Variants in PROM1 observed in about 807,000 individuals in gnomAD.
PROM1 encodes the protein prominin 1.
A neutral mutation model predicts 116.9 loss-of-function variants in PROM1; 105 were observed. The ratio of observed to expected loss-of-function variants is 0.90; its 90% CI spans 0.77 to 1.06. The LOEUF (loss-of-function observed/expected upper bound fraction) is 1.06. PROM1 is among the 50% of genes least tolerant of loss of function. The pLI, the probability that PROM1 is intolerant of heterozygous loss-of-function variation, is 0.00. For missense variants in PROM1, 1,122 were observed against 1,045.2 expected (o/e 1.07, Z -1.01); for synonymous variants, 393 against 387.0 (o/e 1.02, Z -0.18).
intron 2 of PROM1, among the ~76,000 whole-genome samples, chr4:16,047,825 C>T (rs1736892031): frequency 1.3e-5 from 2 of 151,942 alleles, no homozygotes; most frequent in Non-Finnish European, 2.9e-5. Context: ...CAACCTGAGC[C>T]CCCTACCAAG....
intron 26 of PROM1, among the ~76,000 whole-genome samples, chr4:15,974,868 GT>G (rs1376697311): frequency 1.3e-5 from 2 of 152,310 alleles, no homozygotes; most frequent in East Asian, 3.9e-4. Context: ...CCTGAAAACT[GT>G]TGGCGATAAA....
rs1273998914 is a variant in PROM1, at chr4:15,998,412, A to G, written c.1655T>C (p.Met552Thr). The stretch of plus-strand genomic sequence containing the variant: ...GTAAACTTGTTCAAAAGTGAGCTTC[A>G]TTTTTGATTTATTAAATAGCTTCCC... ...LSGKLFNKSK[M>T]KLTFEQVYSD... is the part of the protein sequence containing the mutation. Residue 552 changes from methionine (M) to threonine (T), a missense_variant, in exon 15 of 28, where the codon ATG (methionine) becomes ACG (threonine). Transcript: ENST00000447510. 6.2e-7 allele frequency: 1 copy of G among 1,605,132 alleles called. No homozygotes were observed. Among genetic ancestry groups the G allele is most frequent in the Admixed American group, 1.7e-5 (1 of 57,896 alleles).
rs140129285 is a variant in PROM1 at position 15,977,439 on chromosome 4, G to A, written c.2582+1956C>T. Among the ~76,000 whole-genome samples the A allele has an allele frequency of 2.6e-5, 4 of 152,264 alleles. No individual in the cohort carries two copies. The East Asian group carries it at 5.8e-4, about 22-fold the overall frequency. On this transcript the variant is annotated intron_variant, in intron 26 of 27. Coordinates refer to ENST00000447510, the MANE Select transcript of PROM1 (RefSeq NM_006017.3). ...TGCTACACCGCAAAAAGGAAGGCCA[G>A]GACATTATGCAGGCAGCCGTACTGT...
chr4:15,982,215 C>T (rs1402270777), intron 23 of PROM1, among the ~76,000 whole-genome samples: 1 of 152,178 alleles, frequency 6.6e-6, no homozygotes, highest in Non-Finnish European at 1.5e-5. Flanking sequence ...TCTCCCCAGC[C>T]CACCATGAGG....
At chr4:16,033,125 A>G (rs916917189) in intron 5 of PROM1, among the ~76,000 whole-genome samples, 179 bp downstream of exon 5, 6 of 152,192 alleles carry the variant, frequency 3.9e-5, no homozygotes, top group African/African-American at 1.4e-4. Context: ...GTCTGATGAT[A>G]ATGAGATCCT....
rs185592048 is a variant in PROM1, at chr4:16,048,516, G to A, written c.221-9515C>T. 7.2e-5 allele frequency among the ~76,000 whole-genome samples: 11 copies of A among 152,248 alleles called. No homozygotes were observed. The East Asian group carries it at 1.9e-3, about 27-fold the overall frequency. The stretch of plus-strand genomic sequence containing the variant: ...CCAAGCCATATTTATCAGACGTGTC[G>A]AATGTATCCCCGGTGCCTCCACAAA... On this transcript the variant is annotated intron_variant, in intron 2 of 27. Coordinates refer to ENST00000447510, the MANE Select transcript of PROM1 (RefSeq NM_006017.3).
rs150322691 is a variant in PROM1, at chr4:16,018,536, G to T, written c.789C>A (p.Ile263=). The T allele has an allele frequency of 1.2e-6, 2 of 1,604,676 alleles. No individual in the cohort carries two copies. The change falls in exon 9 of 28, where the codon ATC becomes ATA. Residue 263 remains isoleucine, a synonymous_variant. Coordinates refer to ENST00000447510, the MANE Select transcript of PROM1 (RefSeq NM_006017.3). ...LDEIKSMATA[I]KETKEALENM... ...TCTCCAACGCCTCTTTGGTCTCCTT[G>T]ATCGCTATGGAAACACAGCCCGCTT...
At chr4:16,042,714 G>C (rs1157833377) in intron 2 of PROM1, among the ~76,000 whole-genome samples, 2 of 152,118 alleles carry the variant, frequency 1.3e-5, no homozygotes, top group Non-Finnish European at 2.9e-5. Context: ...TTAAAAACTA[G>C]CACTTGCACA....
chr4:16,069,187 A>G (rs1742249458), intron 2 of PROM1, among the ~76,000 whole-genome samples: 1 of 152,234 alleles, frequency 6.6e-6, no homozygotes, highest in Non-Finnish European at 1.5e-5. Context: ...GTGAGCCGAG[A>G]TCGTGCCACT....
chr4:16,067,866 G>A (rs550503448), intron 2 of PROM1, among the ~76,000 whole-genome samples: 3 of 152,274 alleles, frequency 2.0e-5, no homozygotes, highest in East Asian at 3.9e-4. Context: ...CCCCGGCCAC[G>A]TGACTCAATG....
At chr4:16,033,207 TTTTG>T in intron 5 of PROM1, 93 bp downstream of exon 5, 1 of 1,073,162 alleles carries the variant, frequency 9.3e-7, no homozygotes, top group Non-Finnish European at 1.3e-6. Flanking sequence ...ATTGTTGCTA[TTTTG>T]TTTAGTTTTA....
In PROM1 at chr4:15,985,636, T is replaced by C. The variant is rs1219603312; in HGVS notation, c.2280+124A>G. 5 of 776,888 alleles carry C rather than the reference T, an allele frequency of 6.4e-6. No individual in the cohort carries two copies. The East Asian group carries it at 1.3e-4, about 21-fold the overall frequency. 48.1% of individuals were successfully genotyped at this position (776,888 alleles called of 1,614,324 possible). A position where few individuals can be genotyped will look rare whatever the true frequency, so the allele number is the denominator to read the frequency against. On this transcript the variant is annotated intron_variant, in intron 22 of 27. Coordinates refer to ENST00000447510, the MANE Select transcript of PROM1 (RefSeq NM_006017.3). Reference sequence around the variant, plus strand: ...GAAGTCTTGGTCCTGCACATCAATGTCCTTTCACTTACTTCCTACCAAATT... The same window carrying C: ...GAAGTCTTGGTCCTGCACATCAATGCCCTTTCACTTACTTCCTACCAAATT...
intron 24 of PROM1, 98 bp from the exon 25 acceptor site, chr4:15,980,002 G>A (rs1275589509): frequency 5.1e-5 from 38 of 751,342 alleles, no homozygotes; most frequent in Non-Finnish European, 7.8e-5. Context: ...CACGGATACT[G>A]ACAGTGCAAA....
At chr4:15,988,343 G>A (rs1199550024) in intron 19 of PROM1, among the ~76,000 whole-genome samples, 1 of 152,174 alleles carries the variant, frequency 6.6e-6, no homozygotes, top group African/African-American at 2.4e-5. Context: ...AGCCTGCCCC[G>A]CAAGAGTGGT....
At chr4:16,004,809 TTC>T (rs1491476641) in intron 13 of PROM1, among the ~76,000 whole-genome samples, 84 of 82,190 alleles carry the variant, frequency 1.0e-3, no homozygotes, top group African/African-American at 4.2e-3. Context: ...CAGCTAATCT[TTC>T]TTTCTTTCTT....
rs549019149 is a variant in PROM1, at chr4:15,969,044, C to T, written c.*349G>A. 1 of 152,208 alleles carries T rather than the reference C, an allele frequency of 6.6e-6. No homozygotes were observed. The highest frequency in any genetic ancestry group is 2.4e-5 in the African/African-American group (1 of 41,440). 9.4% of individuals were successfully genotyped at this position (152,208 alleles called of 1,614,324 possible). A position where few individuals can be genotyped will look rare whatever the true frequency, so the allele number is the denominator to read the frequency against. Reference sequence around the variant, plus strand: ...GCAATATGTTAGAATCTAGCCATCACATTTGATAGAGTTTTGATAGAAATG... The same window carrying T: ...GCAATATGTTAGAATCTAGCCATCATATTTGATAGAGTTTTGATAGAAATG... On this transcript the variant is annotated 3_prime_UTR_variant, in exon 28 of 28. Coordinates refer to ENST00000447510, the MANE Select transcript of PROM1 (RefSeq NM_006017.3).
intron 15 of PROM1, among the ~76,000 whole-genome samples, chr4:15,995,337 AGAC>A (rs1216384395): frequency 3.0e-4 from 45 of 151,180 alleles, no homozygotes; most frequent in Admixed American, 2.3e-3. Context: ...AAGACGAAGA[AGAC>A]GAAGAAGAAG....
intron 5 of PROM1, among the ~76,000 whole-genome samples, chr4:16,030,571 G>T (rs1180717365): frequency 6.6e-6 from 1 of 151,888 alleles, no homozygotes; most frequent in Admixed American, 6.6e-5. Flanking sequence ...TTAACAAAAC[G>T]GTAGCTTTCA....
intron 8 of PROM1, among the ~76,000 whole-genome samples, chr4:16,019,003 T>A (rs1448035495): frequency 6.6e-6 from 1 of 152,226 alleles, no homozygotes; most frequent in Admixed American, 6.5e-5. Flanking sequence ...CGGTTTTAGA[T>A]TCAGGCAGGT....
Sources: gnomAD v4.1 joint callset for allele counts (sites outside exome capture counted in the v4.1 genomes callset) on GRCh38, gnomAD v4.1.1 for gene constraint, MANE v1.5 for transcripts, NCBI Gene and HGNC (gene_info 2026-07-23, HGNC 2026-07-21) for gene names.